The following OTULINL variants were observed in gnomAD, a reference collection of about 807,000 sequenced individuals.
OTULINL encodes the protein inactive ubiquitin thioesterase OTULINL.
A neutral mutation model predicts 43.9 loss-of-function variants in OTULINL; 42 were observed. The ratio of observed to expected loss-of-function variants is 0.96; its 90% CI spans 0.75 to 1.24. The LOEUF (loss-of-function observed/expected upper bound fraction) is 1.24. Ranked by LOEUF, OTULINL falls within the 50% of genes most tolerant of loss-of-function variation. The probability of loss-of-function intolerance (pLI) is 0.00; values close to 1 mark genes in which losing one functional copy is unlikely to be tolerated. For missense variants in OTULINL, 411 were observed against 426.4 expected, an observed-to-expected ratio of 0.96 and a Z score of 0.32; for synonymous variants, 172 against 153.6, an observed-to-expected ratio of 1.12 and a Z score of -0.88.
chr5:14,590,211 C>G lies in OTULINL; in HGVS notation c.64+8253C>G, dbSNP rs139500706. ...GATGTATTTGAGATAACAGAAGCAG[C>G]TAAGGGTAGGGGATGCTATTACTCT... On this transcript the variant is annotated intron_variant, in intron 1 of 7. Coordinates refer to ENST00000274217, the MANE Select transcript of OTULINL (RefSeq NM_019018.3). Among the ~76,000 whole-genome samples, 49 of 152,236 alleles carry G rather than the reference C, an allele frequency of 3.2e-4. No individual in the cohort carries two copies. In the East Asian group the frequency reaches 7.9e-3, roughly 25 times the overall value.
intron 4 of OTULINL, 69 bp from the exon 5 acceptor site, chr5:14,602,114 T>A: frequency 4.6e-6 from 6 of 1,290,644 alleles, no homozygotes; most frequent in Non-Finnish European, 5.2e-6. Context: ...TCACTGAAAA[T>A]ACAGTGAATT....
At chr5:14,586,480 C>T (rs888645836) in intron 1 of OTULINL, among the ~76,000 whole-genome samples, 1 of 152,110 alleles carries the variant, frequency 6.6e-6, no homozygotes, top group African/African-American at 2.4e-5. Flanking sequence ...AGGTAATAAA[C>T]AAAAATCCCA....
chr5:14,615,120 T>C lies in OTULINL; in HGVS notation c.*4806T>C, dbSNP rs1270216421. On this transcript the variant is annotated 3_prime_UTR_variant, in exon 8 of 8. Transcript: ENST00000274217. ...ATTTTGTTTTGCTTGTTCACAAGTT[T>C]GAAAAGGTGCATGAGGCACCAATCA... 4 of 178,810 alleles carry C rather than the reference T, an allele frequency of 2.2e-5. No individual in the cohort carries two copies. Among genetic ancestry groups the C allele is most frequent in the Non-Finnish European group, 4.6e-5 (4 of 86,060 alleles). 11.1% of individuals were successfully genotyped at this position (178,810 alleles called of 1,614,324 possible).
chr5:14,587,661 A>T (rs1759129865), intron 1 of OTULINL, among the ~76,000 whole-genome samples: 1 of 152,190 alleles, frequency 6.6e-6, no homozygotes, highest in Non-Finnish European at 1.5e-5. Flanking sequence ...CCCTTGAATC[A>T]AGAGAGAGCT....
rs542501149 is a variant in OTULINL at position 14,600,270 on chromosome 5, C to T, written c.65-695C>T. Among the ~76,000 whole-genome samples the T allele has an allele frequency of 3.3e-5, 5 of 152,322 alleles. No homozygotes were observed. In the South Asian group the frequency reaches 1.0e-3, roughly 32 times the overall value. ...CATATGAAGAAGGATGTGTTTGCTTCCCCTTCTGCCATGATTGTAAGTTTC... is the reference window on the plus strand; with the variant it reads ...CATATGAAGAAGGATGTGTTTGCTTTCCCTTCTGCCATGATTGTAAGTTTC... On this transcript the variant is annotated intron_variant, in intron 1 of 7. Transcript: ENST00000274217.
In OTULINL at chr5:14,611,845, C is replaced by T. The variant is rs1291305651; in HGVS notation, c.*1531C>T. 3 of 152,128 alleles carry T rather than the reference C, an allele frequency of 2.0e-5. No homozygotes were observed. Among genetic ancestry groups the T allele is most frequent in the Non-Finnish European group, 4.4e-5 (3 of 68,026 alleles). 9.4% of individuals were successfully genotyped at this position (152,128 alleles called of 1,614,324 possible). On this transcript the variant is annotated 3_prime_UTR_variant, in exon 8 of 8. Transcript: ENST00000274217. The stretch of plus-strand genomic sequence containing the variant: ...GACTTACTTCACGAGATATTTAGCA[C>T]TATCATTTTCCCAGATGTTCATATT...
At chr5:14,583,130 T>C (rs1158271215) in intron 1 of OTULINL, among the ~76,000 whole-genome samples, 1 of 152,182 alleles carries the variant, frequency 6.6e-6, no homozygotes, top group African/African-American at 2.4e-5. Context: ...CTGTTTTTGG[T>C]CCCAGCTTGA....
Position 14,615,960 on chromosome 5 carries a change from T to C in OTULINL, c.*5646T>C, listed in dbSNP as rs1364738150. ...TTTAAAGCAGGTAATAAAGTAGCTT[T>C]TTCCTTTTGAAACATCATTGTAAAA... is the stretch of plus-strand genomic sequence containing the variant. On this transcript the variant is annotated 3_prime_UTR_variant, in exon 8 of 8. Transcript: ENST00000274217. 1.3e-5 allele frequency among the ~76,000 whole-genome samples: 2 copies of C among 152,236 alleles called. No homozygotes were observed. Among genetic ancestry groups the C allele is most frequent in the Middle Eastern group, 3.2e-3 (1 of 316 alleles).
In OTULINL at chr5:14,607,407, C is replaced by A. The variant is rs772566826; in HGVS notation, c.576C>A (p.Gly192=). ...GTTTTGGTCCTGAGAAGTATACAGG[C>A]TCGAATGTGTTTGGAAAACTACGGA... ...QYSFGPEKYT[G]SNVFGKLRKY... is the part of the protein sequence containing the mutation. Residue 192 remains glycine, a synonymous_variant, in exon 6 of 8, where the codon GGC becomes GGA. Transcript: ENST00000274217. The A allele has an allele frequency of 6.2e-7, 1 of 1,614,064 alleles. No individual in the cohort carries two copies. Among genetic ancestry groups the A allele is most frequent in the Non-Finnish European group, 8.5e-7 (1 of 1,179,990 alleles).
At chr5:14,590,648 G>A (rs1464400820) in intron 1 of OTULINL, among the ~76,000 whole-genome samples, 1 of 152,148 alleles carries the variant, frequency 6.6e-6, no homozygotes, top group Non-Finnish European at 1.5e-5. Context: ...AACCCAGGGG[G>A]ACAAATCTTG....
chr5:14,598,729 A>G (rs1308796444), intron 1 of OTULINL, among the ~76,000 whole-genome samples: 5 of 152,256 alleles, frequency 3.3e-5, no homozygotes, highest in Non-Finnish European at 7.3e-5. Flanking sequence ...AAAAAAGGCA[A>G]TGCTTACATT....
At position 14,610,128 on chromosome 5, in the gene OTULINL, A is replaced by C; in HGVS notation, c.898-13A>C. 1 of 1,608,022 alleles carries C rather than the reference A, an allele frequency of 6.2e-7. No homozygotes were observed. Among genetic ancestry groups the C allele is most frequent in the Non-Finnish European group, 8.5e-7 (1 of 1,174,898 alleles). On this transcript the variant is annotated splice_polypyrimidine_tract_variant and intron_variant, in intron 7 of 7. Coordinates refer to ENST00000274217, the MANE Select transcript of OTULINL (RefSeq NM_019018.3). ...AGTGTGTATCTGTGACCTGTCTTTC[A>C]TCTCATCCACAGATTGATATGTTTA... is the stretch of plus-strand genomic sequence containing the variant.
Position 14,615,345 on chromosome 5 carries a change from G to A in OTULINL, c.*5031G>A, listed in dbSNP as rs1046981896. Among the ~76,000 whole-genome samples the A allele has an allele frequency of 6.6e-6, 1 of 152,130 alleles. No homozygotes were observed. Among genetic ancestry groups the A allele is most frequent in the African/African-American group, 2.4e-5 (1 of 41,422 alleles). ...TCCATGCCAGGTCATGGCTTCGTCCGCCTCCCAGCATGTACCTGGACTTCC... is the reference window on the plus strand; with the variant it reads ...TCCATGCCAGGTCATGGCTTCGTCCACCTCCCAGCATGTACCTGGACTTCC... On this transcript the variant is annotated 3_prime_UTR_variant, in exon 8 of 8. Transcript: ENST00000274217.
intron 1 of OTULINL, among the ~76,000 whole-genome samples, chr5:14,582,763 C>T (rs1405430985): frequency 7.3e-6 from 1 of 137,842 alleles, no homozygotes; most frequent in Admixed American, 8.3e-5. Flanking sequence ...TGCAGTGAGC[C>T]GAGATTGCAC....
At position 14,615,977 on chromosome 5, in the gene OTULINL, A is replaced by C. The variant is rs1278810233; in HGVS notation, c.*5663A>C. 1.3e-5 allele frequency among the ~76,000 whole-genome samples: 2 copies of C among 152,250 alleles called. No individual in the cohort carries two copies. The highest frequency in any genetic ancestry group is 4.8e-5 in the African/African-American group (2 of 41,470). On this transcript the variant is annotated 3_prime_UTR_variant, in exon 8 of 8. Coordinates refer to ENST00000274217, the MANE Select transcript of OTULINL (RefSeq NM_019018.3). ...AGTAGCTTTTTCCTTTTGAAACATC[A>C]TTGTAAAACAGTGCTTTTTAAACTA...
chr5:14,610,326 G>T lies in OTULINL; in HGVS notation c.*12G>T. 6.2e-7 allele frequency: 1 copy of T among 1,611,894 alleles called. No homozygotes were observed. The highest frequency in any genetic ancestry group is 1.1e-5 in the South Asian group (1 of 90,980). On this transcript the variant is annotated 3_prime_UTR_variant, in exon 8 of 8. Transcript: ENST00000274217. ...TTCCAGTCTTTTAAGTCCGCTGGGGGCCGAACAGCAGTGCTCACCAGTGAC... is the reference window on the plus strand; with the variant it reads ...TTCCAGTCTTTTAAGTCCGCTGGGGTCCGAACAGCAGTGCTCACCAGTGAC...
At chr5:14,607,265 A>G in intron 5 of OTULINL, 65 bp from the exon 6 acceptor site, 8 of 1,552,830 alleles carry the variant, frequency 5.2e-6, no homozygotes, top group Non-Finnish European at 7.0e-6. Flanking sequence ...GCTGTGCTAT[A>G]CAGCAAATTG....
chr5:14,596,842 G>A (rs1028312615), intron 1 of OTULINL, among the ~76,000 whole-genome samples: 2 of 152,158 alleles, frequency 1.3e-5, no homozygotes, highest in African/African-American at 4.8e-5. Flanking sequence ...GGCGTCACGT[G>A]GTGAGAGGGT....
At chr5:14,594,126 C>T (rs1057376250) in intron 1 of OTULINL, among the ~76,000 whole-genome samples, 1 of 152,048 alleles carries the variant, frequency 6.6e-6, no homozygotes, top group African/African-American at 2.4e-5. Context: ...GAATATCTCC[C>T]CCGTAACTGG....
Sources: allele counts gnomAD v4.1 joint callset (sites outside exome capture counted in the v4.1 genomes callset), GRCh38; gene constraint gnomAD v4.1.1; transcripts MANE v1.5; gene names NCBI Gene and HGNC (gene_info 2026-07-23, HGNC 2026-07-21).